SPIRE1: variants seen among roughly 807,000 people sequenced by gnomAD.
SPIRE1 encodes protein spire homolog 1.
A neutral mutation model predicts 94.1 loss-of-function variants in SPIRE1; 40 were observed. The ratio of observed to expected loss-of-function variants is 0.43; its 90% CI spans 0.33 to 0.55. The LOEUF (loss-of-function observed/expected upper bound fraction) is 0.55. Ranked by LOEUF, SPIRE1 falls within the 20% of genes least tolerant of loss-of-function variation. The pLI, the probability that SPIRE1 is intolerant of heterozygous loss-of-function variation, is 0.06. For missense variants in SPIRE1, 838 were observed against 975.2 expected, an observed-to-expected ratio of 0.86 and a Z score of 1.87; for synonymous variants, 376 against 371.7, an observed-to-expected ratio of 1.01 and a Z score of -0.13.
chr18:12,457,882 T>G (rs552956205), intron 12 of SPIRE1, among the ~76,000 whole-genome samples: 1 of 150,488 alleles, frequency 6.6e-6, no homozygotes, highest in Non-Finnish European at 1.5e-5. Flanking sequence ...TCTCGCTCTT[T>G]CGCCCAGGCT....
Position 12,479,859 on chromosome 18 carries a change from G to T in SPIRE1, c.1244C>A (p.Pro415His). ...CTCCACAAGATTCTTTGTAGATTCA[G>T]GGGTAGTCACATCTGGTAAAAAAGC... ...YSFDLSDVTT[P>H]ESTKNLVESS... The change falls in exon 10 of 17, where the codon CCT (proline) becomes CAT (histidine). Residue 415 changes from proline (P) to histidine (H), a missense_variant. By Grantham distance (77) the Pro-to-His change is moderately conservative (BLOSUM62 -2). This residue lies in a region of SPIRE1 where 645 missense variants were observed against 804.7 expected (regional missense o/e 0.80). Transcript: ENST00000409402. 1 of 1,612,990 alleles carries T rather than the reference G, an allele frequency of 6.2e-7. No individual in the cohort carries two copies. Among genetic ancestry groups the T allele is most frequent in the Non-Finnish European group, 8.5e-7 (1 of 1,179,736 alleles).
intron 6 of SPIRE1, among the ~76,000 whole-genome samples, chr18:12,504,928 C>T (rs973777388): frequency 1.3e-5 from 2 of 152,124 alleles, no homozygotes; most frequent in Non-Finnish European, 2.9e-5. Context: ...TCACACTAGG[C>T]ACTGCTGAGA....
intron 2 of SPIRE1, among the ~76,000 whole-genome samples, chr18:12,557,134 C>T (rs573527681): frequency 1.4e-4 from 21 of 152,334 alleles, no homozygotes; most frequent in Non-Finnish European, 2.4e-4. Context: ...ACCAGTCCTG[C>T]GCCACACGCC....
chr18:12,630,861 G>A (rs527257637), intron 2 of SPIRE1, among the ~76,000 whole-genome samples: 87 of 152,252 alleles, frequency 5.7e-4, no homozygotes, highest in African/African-American at 1.8e-3. Flanking sequence ...GCAAGAGTTG[G>A]GTGAGGGGTT....
chr18:12,450,703 G>A (rs2031190199), intron 16 of SPIRE1: 1 of 650,562 alleles, frequency 1.5e-6, no homozygotes, highest in Non-Finnish European at 2.8e-6. Context: ...GAGGCAAGAA[G>A]AAGGATCCTA....
chr18:12,605,392 G>A (rs1178457500), intron 2 of SPIRE1, among the ~76,000 whole-genome samples: 1 of 152,150 alleles, frequency 6.6e-6, no homozygotes, highest in Non-Finnish European at 1.5e-5. Flanking sequence ...TGTAGTCCCA[G>A]CTACTCAGGA....
At chr18:12,660,487 A>G (rs2144932986), upstream of SPIRE1, among the ~76,000 whole-genome samples, 1 of 152,046 alleles carries the variant, frequency 6.6e-6, no homozygotes, top group African/African-American at 2.4e-5. Flanking sequence ...ATGCCTGGCT[A>G]ATTTTTGTAT....
At chr18:12,614,919 T>C (rs1219067859) in intron 2 of SPIRE1, among the ~76,000 whole-genome samples, 4 of 152,046 alleles carry the variant, frequency 2.6e-5, no homozygotes, top group African/African-American at 9.7e-5. Context: ...CCAGGCCCGG[T>C]GGCTCATGCC....
At chr18:12,619,598 C>T (rs1216299968) in intron 2 of SPIRE1, among the ~76,000 whole-genome samples, 2 of 152,040 alleles carry the variant, frequency 1.3e-5, no homozygotes, top group Non-Finnish European at 2.9e-5. Flanking sequence ...CCTGTAATCT[C>T]AGCACTTTGG....
chr18:12,628,904 T>C (rs2037704173), intron 2 of SPIRE1, among the ~76,000 whole-genome samples: 1 of 152,202 alleles, frequency 6.6e-6, no homozygotes, highest in Admixed American at 6.6e-5. Flanking sequence ...AAGATGCATG[T>C]GGGAATGAAA....
chr18:12,624,314 G>A (rs1055813708), intron 2 of SPIRE1, among the ~76,000 whole-genome samples: 6 of 150,952 alleles, frequency 4.0e-5, no homozygotes, highest in Non-Finnish European at 8.9e-5. Context: ...AGGCTGAGGC[G>A]GGTGGATCAC....
chr18:12,659,686 A>G (rs1195997995), upstream of SPIRE1, among the ~76,000 whole-genome samples: 20 of 152,158 alleles, frequency 1.3e-4, no homozygotes, highest in East Asian at 3.3e-3. Context: ...ATAAATAATA[A>G]ATTGAAAGAG....
intron 11 of SPIRE1, among the ~76,000 whole-genome samples, chr18:12,464,345 G>C (rs544106047): frequency 1.8e-4 from 27 of 152,214 alleles, no homozygotes; most frequent in African/African-American, 6.5e-4. Flanking sequence ...GAGAAATCAA[G>C]CCAATATATA....
intron 2 of SPIRE1, among the ~76,000 whole-genome samples, chr18:12,615,034 C>T (rs1398517664): frequency 1.3e-5 from 2 of 150,614 alleles, no homozygotes; most frequent in African/African-American, 4.9e-5. Flanking sequence ...ATTAAAAATA[C>T]AAAAAATTGG....
intron 2 of SPIRE1, among the ~76,000 whole-genome samples, chr18:12,599,541 G>C (rs918443414): frequency 2.0e-5 from 3 of 152,320 alleles, no homozygotes; most frequent in African/African-American, 7.2e-5. Flanking sequence ...TGGGATTACA[G>C]GTGTGAGCCA....
At chr18:12,477,397 T>A (rs2032647277) in intron 10 of SPIRE1, among the ~76,000 whole-genome samples, 1 of 152,174 alleles carries the variant, frequency 6.6e-6, no homozygotes, top group African/African-American at 2.4e-5. Context: ...AATAGCCACA[T>A]GTGGGAGTGG....
chr18:12,549,439 G>GTTTTT lies in SPIRE1; in HGVS notation c.373-2540_373-2536dup, dbSNP rs869122444. On this transcript the variant is annotated intron_variant, in intron 2 of 16. Coordinates refer to ENST00000409402, the MANE Select transcript of SPIRE1 (RefSeq NM_001128626.2). ...CTTTTTGTTTGTTTTTGTTATTGTT[G>GTTTTT]TTTTTTTTTTTTTTTTTTTTTTTTT... 6.2e-3 allele frequency among the ~76,000 whole-genome samples: 256 copies of GTTTTT among 41,242 alleles called. 36 individuals are homozygous for GTTTTT. The highest frequency in any genetic ancestry group is 0.01 in the South Asian group (6 of 592). The allele number at this position is 41,242 out of a possible 152,430, so 27.1% of individuals were successfully genotyped here. A position where few individuals can be genotyped will look rare whatever the true frequency, so the allele number is the denominator to read the frequency against.
At chr18:12,655,242 A>G (rs2038506616) in intron 1 of SPIRE1, among the ~76,000 whole-genome samples, 1 of 151,040 alleles carries the variant, frequency 6.6e-6, no homozygotes, top group African/African-American at 2.4e-5. Flanking sequence ...AAAAAAGAAG[A>G]AAAGAAAAAG....
rs201951477 is a variant in SPIRE1, at chr18:12,579,099, G to GA, written c.373-32196dup. On this transcript the variant is annotated intron_variant, in intron 2 of 16. Coordinates refer to ENST00000409402, the MANE Select transcript of SPIRE1 (RefSeq NM_001128626.2). Reference sequence around the variant, plus strand: ...TTAAAGGCTTTTAAGAGAAGGGGAGGAAAAAAAACCCAAAAACCATCAAAG... The same window carrying GA: ...TTAAAGGCTTTTAAGAGAAGGGGAGGAAAAAAAAACCCAAAAACCATCAAAG... 3.7e-3 allele frequency among the ~76,000 whole-genome samples: 534 copies of GA among 145,162 alleles called. 1 individual carries two copies. The highest frequency in any genetic ancestry group is 0.013 in the African/African-American group (503 of 39,534).
Sources: allele counts gnomAD v4.1 joint callset (sites outside exome capture counted in the v4.1 genomes callset), GRCh38; gene constraint gnomAD v4.1.1; regional missense constraint gnomAD v4.1.1; transcripts MANE v1.5; gene names NCBI Gene and HGNC (gene_info 2026-07-23, HGNC 2026-07-21).